ATRX: variants seen among roughly 807,000 people sequenced by gnomAD.
The protein encoded by ATRX is chromatin remodeler ATRX.
In ATRX, 12 loss-of-function variants were observed where a neutral mutation model predicts 172.6. The observed-to-expected ratio is 0.07, with a 90% CI of 0.04 to 0.11. The LOEUF (loss-of-function observed/expected upper bound fraction) is 0.11, where lower values mean the gene tolerates loss of function less well. ATRX is among the 10% of genes least tolerant of loss of function. The pLI is 1.00. For synonymous variants in ATRX, 674 were observed against 594.7 expected (o/e 1.13, Z -1.94); for missense variants, 1,368 against 1,767.4 (o/e 0.77, Z 4.05).
Position 77,601,474 on chromosome X carries a change from T to C in ATRX, c.5567-910A>G, listed in dbSNP as rs1303064842. Among the ~76,000 whole-genome samples the C allele has an allele frequency of 1.3e-4, 14 of 105,002 alleles. 1 individual carries two copies. Among genetic ancestry groups the C allele is most frequent in the Non-Finnish European group, 1.2e-4 (6 of 51,421 alleles). The allele number at this position is 105,002 out of a possible 115,157, so 91.2% of individuals were successfully genotyped here. On this transcript the variant is annotated intron_variant, in intron 22 of 34. Transcript: ENST00000373344. ...GCCTGGATGAAAGAGCAAAACCTTGTCTCTTAAAAAAAAAAAAAAAAGACC... is the reference window on the plus strand; with the variant it reads ...GCCTGGATGAAAGAGCAAAACCTTGCCTCTTAAAAAAAAAAAAAAAAGACC...
intron 15 of ATRX, among the ~76,000 whole-genome samples, chrX:77,642,561 G>A (rs782460986): frequency 7.2e-4 from 78 of 107,949 alleles, no homozygotes; most frequent in Non-Finnish European, 1.1e-3. Context: ...AGGCTGAAGT[G>A]GGAGAATTGC....
At chrX:77,542,373 G>A (rs1215722787) in intron 30 of ATRX, among the ~76,000 whole-genome samples, 1 of 111,616 alleles carries the variant, frequency 9.0e-6, no homozygotes, top group East Asian at 2.8e-4. Flanking sequence ...AATCAATATC[G>A]TGAAAATGGC....
chrX:77,647,884 T>G (rs1201960236), intron 15 of ATRX, among the ~76,000 whole-genome samples: 5 of 111,736 alleles, frequency 4.5e-5, no homozygotes, highest in Admixed American at 2.8e-4. Context: ...GAAAAAAATC[T>G]AGGAAGTAAG....
Position 77,681,563 on chromosome X carries a change from T to G in ATRX, c.3693A>C (p.Glu1231Asp). Residue 1231 changes from glutamate (E) to aspartate (D), a missense_variant, in exon 9 of 35, where the codon GAA becomes GAC. By Grantham distance (45) the Glu-to-Asp change is conservative. Coordinates refer to ENST00000373344, the MANE Select transcript of ATRX (RefSeq NM_000489.6). ...SDEQKIKPVT[E>D]NLVLSSHTGF... Reference sequence around the variant, plus strand: ...CAGTATGTGAAGACAGCACTAAATTTTCAGTCACAGGCTTAATTTTCTGTT... The same window carrying G: ...CAGTATGTGAAGACAGCACTAAATTGTCAGTCACAGGCTTAATTTTCTGTT... The G allele has an allele frequency of 1.1e-5, 13 of 1,210,292 alleles. No individual in the cohort carries two copies. Among genetic ancestry groups the G allele is most frequent in the Non-Finnish European group, 1.5e-5 (13 of 894,955 alleles).
At chrX:77,539,375 G>T (rs1459900514) in intron 30 of ATRX, among the ~76,000 whole-genome samples, 2 of 110,681 alleles carry the variant, frequency 1.8e-5, no homozygotes, top group Non-Finnish European at 3.8e-5. Context: ...CTTTTTACAT[G>T]TCATTCCTAA....
Position 77,741,002 on chromosome X carries a change from A to G in ATRX, c.21-23759T>C, listed in dbSNP as rs782552296. 2.8e-5 allele frequency among the ~76,000 whole-genome samples: 3 copies of G among 106,457 alleles called. No homozygotes were observed. In the South Asian group the frequency reaches 1.3e-3, roughly 46 times the overall value. The allele number at this position is 106,457 out of a possible 115,157, so 92.4% of individuals were successfully genotyped here. A position where few individuals can be genotyped will look rare whatever the true frequency, so the allele number is the denominator to read the frequency against. On this transcript the variant is annotated intron_variant, in intron 1 of 34. Coordinates refer to ENST00000373344, the MANE Select transcript of ATRX (RefSeq NM_000489.6). Reference sequence around the variant, plus strand: ...AGGCTCACTTGAGCCCAGGAGGTCAAGACCAGCCTGAGCAACATAGTGAGA... The same window carrying G: ...AGGCTCACTTGAGCCCAGGAGGTCAGGACCAGCCTGAGCAACATAGTGAGA...
At chrX:77,616,052 CA>C (rs781783875) in intron 22 of ATRX, 2 of 751,362 alleles carry the variant, frequency 2.7e-6, no homozygotes, top group African/African-American at 4.6e-5. Context: ...GATGGTAAAA[CA>C]AAAACTATTC....
At chrX:77,774,941 G>A (rs1012211513) in intron 1 of ATRX, among the ~76,000 whole-genome samples, 5 of 110,746 alleles carry the variant, frequency 4.5e-5, no homozygotes, top group African/African-American at 1.3e-4. Context: ...TCTATGTTGA[G>A]AAGACTGGTC....
intron 1 of ATRX, among the ~76,000 whole-genome samples, chrX:77,778,494 G>C (rs1389097949): frequency 1.0e-4 from 11 of 109,356 alleles, no homozygotes; most frequent in Non-Finnish European, 2.1e-4. Flanking sequence ...AGGCCAAGGC[G>C]GGCGGATCAT....
chrX:77,671,196 A>AT (rs2070592866), intron 10 of ATRX, among the ~76,000 whole-genome samples: 1 of 88,199 alleles, frequency 1.1e-5, no homozygotes, highest in Non-Finnish European at 2.2e-5. Flanking sequence ...ATATATATAT[A>AT]AAACTAAGGC....
intron 1 of ATRX, among the ~76,000 whole-genome samples, chrX:77,762,269 C>T (rs1203946011): frequency 7.3e-5 from 7 of 95,578 alleles, no homozygotes; most frequent in African/African-American, 1.6e-4. Flanking sequence ...CACGCCACTG[C>T]ACTCCAGCCT....
intron 34 of ATRX, among the ~76,000 whole-genome samples, chrX:77,519,043 A>C (rs1348392784): frequency 1.8e-5 from 2 of 112,209 alleles, no homozygotes; most frequent in African/African-American, 6.5e-5. Flanking sequence ...CAAACTATGA[A>C]TCTACTACAG....
At chrX:77,642,601 T>G (rs2068707636) in intron 15 of ATRX, among the ~76,000 whole-genome samples, 2 of 105,830 alleles carry the variant, frequency 1.9e-5, no homozygotes, top group African/African-American at 7.0e-5. Context: ...GCTACAGTGA[T>G]CATGCTACTG....
chrX:77,717,024 T>C (rs2073469889), intron 2 of ATRX, 107 bp downstream of exon 2: 1 of 670,994 alleles, frequency 1.5e-6, no homozygotes, highest in Admixed American at 3.1e-5. Context: ...CAAACTGAAA[T>C]CTCTTTTAAA....
At chrX:77,740,114 G>C (rs2074796060) in intron 1 of ATRX, among the ~76,000 whole-genome samples, 1 of 103,057 alleles carries the variant, frequency 9.7e-6, no homozygotes, top group African/African-American at 3.5e-5. Flanking sequence ...TCACCAGGCA[G>C]CTATAATATG....
intron 1 of ATRX, among the ~76,000 whole-genome samples, chrX:77,746,844 G>A (rs781823003): frequency 1.8e-5 from 2 of 111,073 alleles, no homozygotes; most frequent in African/African-American, 3.3e-5. Flanking sequence ...TGTGGCCCAG[G>A]CTGGAGTTGC....
intron 22 of ATRX, among the ~76,000 whole-genome samples, chrX:77,603,963 C>A (rs1024824523): frequency 8.9e-6 from 1 of 111,822 alleles, no homozygotes; most frequent in African/African-American, 3.3e-5. Context: ...TTATCTCTAA[C>A]CATATGCAAA....
chrX:77,548,881 ATACTT>A (rs1488673683), intron 30 of ATRX, among the ~76,000 whole-genome samples: 3 of 112,379 alleles, frequency 2.7e-5, no homozygotes, highest in Non-Finnish European at 5.6e-5. Flanking sequence ...CTCACTTAAG[ATACTT>A]TAATTTAAAT....
intron 28 of ATRX, among the ~76,000 whole-genome samples, chrX:77,566,196 C>G (rs191474091): frequency 2.7e-5 from 3 of 111,287 alleles, no homozygotes. Flanking sequence ...TAAACCCAAA[C>G]AAATACGTGA....
Sources: gnomAD v4.1 joint callset for allele counts (sites outside exome capture counted in the v4.1 genomes callset) on GRCh38, gnomAD v4.1.1 for gene constraint, MANE v1.5 for transcripts, NCBI Gene and HGNC (gene_info 2026-07-23, HGNC 2026-07-21) for gene names.